ARPC1B: variants seen among roughly 807,000 people sequenced by gnomAD.
ARPC1B encodes the protein actin-related protein 2/3 complex subunit 1B.
In ARPC1B, 29 loss-of-function variants were observed where a neutral mutation model predicts 46.0. That is an observed-to-expected ratio of 0.63 (90% CI 0.47 to 0.86). The LOEUF (loss-of-function observed/expected upper bound fraction) is 0.86. Ranked by LOEUF, ARPC1B falls within the 40% of genes least tolerant of loss-of-function variation. The pLI, the probability that ARPC1B is intolerant of heterozygous loss-of-function variation, is 0.00. For synonymous variants in ARPC1B, 201 were observed against 213.9 expected (o/e 0.94, Z 0.53); for missense variants, 469 against 529.4 (o/e 0.89, Z 1.12).
At chr7:99,382,110 C>G (rs1366386832) in intron 1 of ARPC1B, among the ~76,000 whole-genome samples, 1 of 152,144 alleles carries the variant, frequency 6.6e-6, no homozygotes, top group African/African-American at 2.4e-5. Context: ...CCTGAAAGTC[C>G]AGGGCTGGTG....
At chr7:99,382,213 G>A (rs1371214150) in intron 1 of ARPC1B, among the ~76,000 whole-genome samples, 1 of 151,994 alleles carries the variant, frequency 6.6e-6, no homozygotes, top group Non-Finnish European at 1.5e-5. Flanking sequence ...CGAGGCGGGC[G>A]GATCACTTGA....
intron 1 of ARPC1B, among the ~76,000 whole-genome samples, chr7:99,379,563 A>G (rs1335489367): frequency 6.6e-6 from 1 of 152,128 alleles, no homozygotes; most frequent in Non-Finnish European, 1.5e-5. Flanking sequence ...AGGGAAACCT[A>G]AGGAAGCCAG....
At chr7:99,378,774 CTT>C (rs761084621) in intron 1 of ARPC1B, among the ~76,000 whole-genome samples, 2 of 106,550 alleles carry the variant, frequency 1.9e-5, no homozygotes. Context: ...TTTTCTTTTT[CTT>C]TTTTTTTTTT....
intron 8 of ARPC1B, among the ~76,000 whole-genome samples, chr7:99,393,218 G>C (rs1794636628): frequency 6.6e-6 from 1 of 152,274 alleles, no homozygotes; most frequent in Non-Finnish European, 1.5e-5. Context: ...TGTGGGCGGG[G>C]CCCATCTTGA....
upstream of ARPC1B, chr7:99,374,596 A>T (rs1372955289): frequency 6.6e-6 from 1 of 151,244 alleles, no homozygotes; most frequent in Admixed American, 6.6e-5. This position sits in a 1 kb window ranked among gnomAD's most constrained non-coding sequence, Gnocchi z 5.0. Context: ...CAGCACCCCC[A>T]CCCCGAAGGG....
chr7:99,392,190 AT>A (rs1424190678), intron 7 of ARPC1B: 1 of 157,388 alleles, frequency 6.4e-6, no homozygotes, highest in Admixed American at 6.4e-5. Flanking sequence ...TTCTGCCCAC[AT>A]TTTATTGGCA....
chr7:99,381,731 G>A (rs1330163391), intron 1 of ARPC1B, among the ~76,000 whole-genome samples: 1 of 152,236 alleles, frequency 6.6e-6, no homozygotes, highest in Admixed American at 6.5e-5. Flanking sequence ...GTGAGCGCAG[G>A]GGGCTTTGTG....
rs1265273425 is a variant in ARPC1B at position 99,385,066 on chromosome 7, C to T, written c.-13-636C>T. Among the ~76,000 whole-genome samples, 4 of 149,248 alleles carry T rather than the reference C, an allele frequency of 2.7e-5. No homozygotes were observed. The South Asian group carries it at 6.4e-4, about 24-fold the overall frequency. Reference sequence around the variant, plus strand: ...CTGCAAGCCCCGCCTCCCAAGTTCACGCCATTCTCCTGCCTCAGGCTGGGA... The same window carrying T: ...CTGCAAGCCCCGCCTCCCAAGTTCATGCCATTCTCCTGCCTCAGGCTGGGA... On this transcript the variant is annotated intron_variant, in intron 1 of 9. Coordinates refer to ENST00000646101, the MANE Select transcript of ARPC1B (RefSeq NM_005720.4).
intron 5 of ARPC1B, 61 bp from the exon 6 acceptor site, chr7:99,390,830 TGA>T: frequency 6.8e-7 from 1 of 1,460,184 alleles, no homozygotes; most frequent in Non-Finnish European, 9.3e-7. Flanking sequence ...CCTGAGTAGC[TGA>T]GAGTACAGGT....
chr7:99,394,551 G>A lies in ARPC1B; in HGVS notation c.*62G>A. The A allele has an allele frequency of 3.1e-6, 5 of 1,612,802 alleles. No homozygotes were observed. The highest frequency in any genetic ancestry group is 3.4e-6 in the Non-Finnish European group (4 of 1,179,514). ...GGGAAGCGGGGAGAGGGGTCAGGGA[G>A]GCTAATGGTTGCTTTGCTGAATGTT... On this transcript the variant is annotated 3_prime_UTR_variant, in exon 10 of 10. Transcript: ENST00000646101.
intron 1 of ARPC1B, among the ~76,000 whole-genome samples, chr7:99,380,349 G>C (rs1210447618): frequency 6.6e-6 from 1 of 151,052 alleles, no homozygotes; most frequent in Non-Finnish European, 1.5e-5. Flanking sequence ...AGGCGCTTTG[G>C]GTTTCAGCTG....
intron 9 of ARPC1B, 158 bp from the exon 10 acceptor site, chr7:99,394,293 C>T (rs529758052): frequency 5.5e-5 from 56 of 1,026,168 alleles, no homozygotes; most frequent in African/African-American, 5.0e-4. Flanking sequence ...CTGGGGCACC[C>T]GTCTTCAGGG....
chr7:99,388,515 C>CCTG, intron 4 of ARPC1B: 1 of 501,316 alleles, frequency 2.0e-6, no homozygotes, highest in Non-Finnish European at 3.6e-6. Context: ...CACATTAGTC[C>CCTG]TGACTTCCCT....
At chr7:99,374,710 G>T (rs1351816522), upstream of ARPC1B, 1 of 151,856 alleles carries the variant, frequency 6.6e-6, no homozygotes, top group Non-Finnish European at 1.5e-5. The surrounding 1 kb of genome is among the most constrained non-coding windows in gnomAD (Gnocchi z 5.0). Flanking sequence ...GGAAGTGGCT[G>T]CTGCTCCGGC....
At chr7:99,383,368 T>C (rs1794285671) in intron 1 of ARPC1B, among the ~76,000 whole-genome samples, 1 of 152,146 alleles carries the variant, frequency 6.6e-6, no homozygotes, top group Non-Finnish European at 1.5e-5. Flanking sequence ...CGTACTCTGT[T>C]GGTCACTAAT....
intron 1 of ARPC1B, among the ~76,000 whole-genome samples, chr7:99,379,437 A>G (rs1007082054): frequency 2.3e-4 from 35 of 152,114 alleles, no homozygotes; most frequent in African/African-American, 8.2e-4. Context: ...TGGCTGCTCT[A>G]TCCAAGAACT....
intron 1 of ARPC1B, among the ~76,000 whole-genome samples, chr7:99,378,774 CTTTTTTT>C (rs761084621): frequency 5.6e-5 from 6 of 106,538 alleles, no homozygotes; most frequent in East Asian, 5.9e-4. Context: ...TTTTCTTTTT[CTTTTTTT>C]TTTTTTTTTT....
At chr7:99,386,657 C>T (rs745326142) in intron 2 of ARPC1B, 28 bp from the exon 3 acceptor site, 1 of 1,561,234 alleles carries the variant, frequency 6.4e-7, no homozygotes, top group Non-Finnish European at 8.8e-7. Context: ...GGAGAGGGCC[C>T]CTCAATCTCC....
Position 99,388,150 on chromosome 7 carries a change from G to C in ARPC1B, c.281G>C (p.Arg94Pro). Residue 94 changes from arginine (R) to proline (P), a missense_variant, in exon 4 of 10, where the codon CGG (arginine) becomes CCG (proline). By Grantham distance (103) the Arg-to-Pro change is moderately radical (BLOSUM62 -2). Transcript: ENST00000646101. The part of the protein sequence containing the change: ...RTWKPTLVIL[R>P]INRAARCVRW... ...TGGAAGCCCACGCTGGTCATCCTGC[G>C]GATCAACCGGGCTGCCCGCTGCGTG... The C allele has an allele frequency of 6.2e-7, 1 of 1,614,248 alleles. No individual in the cohort carries two copies. The highest frequency in any genetic ancestry group is 8.5e-7 in the Non-Finnish European group (1 of 1,180,044).
Sources: gnomAD v4.1 joint callset for allele counts (sites outside exome capture counted in the v4.1 genomes callset) on GRCh38, gnomAD v4.1.1 for gene constraint, Gnocchi (gnomAD v3.1) non-coding constraint, MANE v1.5 for transcripts, NCBI Gene and HGNC (gene_info 2026-07-23, HGNC 2026-07-21) for gene names.